MYO1D: variants seen among roughly 807,000 people sequenced by gnomAD.
MYO1D encodes myosin ID.
MYO1D carries 83 observed loss-of-function variants against 122.0 expected under a neutral mutation model. That is an observed-to-expected ratio of 0.68 (90% CI 0.57 to 0.82). MYO1D has a LOEUF of 0.82. Among genes scored for constraint, MYO1D ranks in the 40% least tolerant of loss-of-function variants. The pLI, the probability that MYO1D is intolerant of heterozygous loss-of-function variation, is 0.00. For missense variants in MYO1D, 1,157 were observed against 1,269.5 expected (o/e 0.91, Z 1.35); for synonymous variants, 464 against 446.9 (o/e 1.04, Z -0.48).
At chr17:32,568,879 C>A (rs967639931) in intron 21 of MYO1D, among the ~76,000 whole-genome samples, 1 of 152,208 alleles carries the variant, frequency 6.6e-6, no homozygotes, top group Non-Finnish European at 1.5e-5. Flanking sequence ...CAGGTCCAGC[C>A]TCTATGCTCC....
chr17:32,585,514 G>A (rs1321399766), intron 21 of MYO1D, among the ~76,000 whole-genome samples: 1 of 152,134 alleles, frequency 6.6e-6, no homozygotes, highest in African/African-American at 2.4e-5. Flanking sequence ...AGGATCACCT[G>A]AGGTCAGGAG....
intron 17 of MYO1D, among the ~76,000 whole-genome samples, chr17:32,657,401 T>A (rs1363984823): frequency 6.6e-6 from 1 of 152,258 alleles, no homozygotes; most frequent in African/African-American, 2.4e-5. Flanking sequence ...AAGAATAGTT[T>A]TTACATTTTT....
At position 32,569,090 on chromosome 17, in the gene MYO1D, T is replaced by C. The variant is rs1030022335; in HGVS notation, c.2864+35997A>G. ...CCACGACTAGATAATCTGGTGCCTTTTAAATAAATACATTGAGGTCTGTGT... is the reference window on the plus strand; with the variant it reads ...CCACGACTAGATAATCTGGTGCCTTCTAAATAAATACATTGAGGTCTGTGT... On this transcript the variant is annotated intron_variant, in intron 21 of 21. Transcript: ENST00000318217. 2.0e-5 allele frequency among the ~76,000 whole-genome samples: 3 copies of C among 152,240 alleles called. No individual in the cohort carries two copies. The East Asian group carries it at 5.8e-4, about 29-fold the overall frequency.
At chr17:32,521,621 C>G (rs1910141753) in intron 21 of MYO1D, among the ~76,000 whole-genome samples, 1 of 152,116 alleles carries the variant, frequency 6.6e-6, no homozygotes, top group African/African-American at 2.4e-5. Flanking sequence ...ACTTCTTGGT[C>G]CATAGAACCC....
chr17:32,778,375 A>G (rs1356517035), intron 3 of MYO1D, 105 bp downstream of exon 3: 1 of 973,510 alleles, frequency 1.0e-6, no homozygotes, highest in Non-Finnish European at 1.6e-6. Context: ...CTCAGCCCAT[A>G]GGTTTAGACC....
At chr17:32,594,546 C>A in intron 21 of MYO1D, 1 of 648,052 alleles carries the variant, frequency 1.5e-6, no homozygotes, top group Non-Finnish European at 2.8e-6. Context: ...GAATTTTATT[C>A]AGAGTATAAG....
At chr17:32,514,816 A>G (rs967436138) in intron 21 of MYO1D, among the ~76,000 whole-genome samples, 7 of 152,246 alleles carry the variant, frequency 4.6e-5, no homozygotes, top group African/African-American at 1.2e-4. Flanking sequence ...AGATGCGGAC[A>G]GGGGCCTTCC....
At chr17:32,682,195 CTCTT>C (rs1231768353) in intron 16 of MYO1D, among the ~76,000 whole-genome samples, 1 of 148,228 alleles carries the variant, frequency 6.7e-6, no homozygotes, top group East Asian at 2.0e-4. Context: ...TGGGTCTTGA[CTCTT>C]TATCCAATTT....
chr17:32,605,011 A>G, intron 21 of MYO1D, 76 bp downstream of exon 21: 1 of 1,380,724 alleles, frequency 7.2e-7, no homozygotes, highest in Non-Finnish European at 9.8e-7. Context: ...ATTGGCACAA[A>G]ACAAGCTCAG....
intron 21 of MYO1D, among the ~76,000 whole-genome samples, chr17:32,567,161 G>A (rs1457219153): frequency 2.6e-5 from 4 of 152,098 alleles, no homozygotes; most frequent in Non-Finnish European, 4.4e-5. Context: ...AATAAATTGA[G>A]CAGGAAATGA....
At chr17:32,864,592 TCA>T (rs2091108550) in intron 1 of MYO1D, among the ~76,000 whole-genome samples, 1 of 150,612 alleles carries the variant, frequency 6.6e-6, no homozygotes, top group Admixed American at 6.6e-5. Flanking sequence ...GTCTACCATT[TCA>T]CAAAGGCCCA....
intron 1 of MYO1D, among the ~76,000 whole-genome samples, chr17:32,809,217 C>T (rs1332579969): frequency 1.3e-5 from 2 of 151,678 alleles, no homozygotes; most frequent in East Asian, 3.9e-4. Flanking sequence ...TTCCTGAGCT[C>T]AAGCAATCAT....
chr17:32,578,004 G>T (rs968720159), intron 21 of MYO1D, among the ~76,000 whole-genome samples: 1 of 152,146 alleles, frequency 6.6e-6, no homozygotes, highest in South Asian at 2.1e-4. Flanking sequence ...CTCCCAAAGC[G>T]CTGGGATTAC....
intron 1 of MYO1D, among the ~76,000 whole-genome samples, chr17:32,872,429 C>T (rs1386621984): frequency 5.9e-5 from 9 of 152,090 alleles, no homozygotes; most frequent in South Asian, 2.1e-4. Flanking sequence ...CCCACCACCA[C>T]GCCTGGCTAA....
chr17:32,713,404 C>A (rs2089403850), intron 15 of MYO1D, among the ~76,000 whole-genome samples: 1 of 152,202 alleles, frequency 6.6e-6, no homozygotes, highest in Admixed American at 6.5e-5. Flanking sequence ...ATCTGTGCAT[C>A]ACTACCACAT....
intron 18 of MYO1D, 108 bp downstream of exon 18, chr17:32,654,369 T>C: frequency 2.5e-6 from 3 of 1,200,468 alleles, no homozygotes; most frequent in Non-Finnish European, 3.5e-6. Context: ...AGAAATTATT[T>C]AGTTTCTAAA....
chr17:32,500,387 A>G (rs1459762428), intron 21 of MYO1D, among the ~76,000 whole-genome samples: 1 of 152,256 alleles, frequency 6.6e-6, no homozygotes, highest in East Asian at 1.9e-4. Flanking sequence ...CAAAGTGGCC[A>G]GATACCTGTG....
At chr17:32,649,114 T>C (rs1052825634) in intron 19 of MYO1D, among the ~76,000 whole-genome samples, 1 of 152,228 alleles carries the variant, frequency 6.6e-6, no homozygotes, top group Non-Finnish European at 1.5e-5. Flanking sequence ...ACATATATTA[T>C]AAACTCTACA....
intron 16 of MYO1D, among the ~76,000 whole-genome samples, chr17:32,690,475 G>A (rs559315748): frequency 6.6e-6 from 1 of 152,108 alleles, no homozygotes; most frequent in Non-Finnish European, 1.5e-5. Context: ...GCACCTGACC[G>A]AGTGTTTATC....
Sources: gnomAD v4.1 joint callset for allele counts (sites outside exome capture counted in the v4.1 genomes callset) on GRCh38, gnomAD v4.1.1 for gene constraint, MANE v1.5 for transcripts, NCBI Gene and HGNC (gene_info 2026-07-23, HGNC 2026-07-21) for gene names.